The following MCC variants were observed in gnomAD, a reference collection of about 807,000 sequenced individuals.
The protein encoded by MCC is MCC regulator of Wnt signaling pathway.
In MCC, 90 loss-of-function variants were observed where a neutral mutation model predicts 116.2. The ratio of observed to expected loss-of-function variants is 0.77; its 90% confidence interval spans 0.65 to 0.92. The LOEUF is 0.92. Among genes scored for constraint, MCC ranks in the 40% least tolerant of loss-of-function variants. MCC has a pLI of 0.00. For synonymous variants in MCC, 578 were observed against 510.5 expected, an observed-to-expected ratio of 1.13 and a Z score of -1.78; for missense variants, 1,516 against 1,312.2, an observed-to-expected ratio of 1.16 and a Z score of -2.40.
chr5:113,031,390 G>T (rs949679920), intron 17 of MCC, among the ~76,000 whole-genome samples: 5 of 152,010 alleles, frequency 3.3e-5, no homozygotes, highest in Non-Finnish European at 7.4e-5. Context: ...TGTTGCAGGA[G>T]GGGGGCTCCT....
intron 3 of MCC, among the ~76,000 whole-genome samples, chr5:113,336,184 T>C (rs1262218040): frequency 6.6e-6 from 1 of 151,632 alleles, no homozygotes; most frequent in Non-Finnish European, 1.5e-5. Context: ...GGAGCCATCA[T>C]GGCCTAATCA....
chr5:113,198,539 T>TAA (rs10718683), intron 3 of MCC, among the ~76,000 whole-genome samples: 28 of 136,154 alleles, frequency 2.1e-4, no homozygotes, highest in Admixed American at 2.2e-4. Flanking sequence ...TACAAATAAT[T>TAA]AAAAAAAAAA....
intron 3 of MCC, among the ~76,000 whole-genome samples, chr5:113,307,822 C>T (rs1767025057): frequency 6.6e-6 from 1 of 152,104 alleles, no homozygotes; most frequent in African/African-American, 2.4e-5. Flanking sequence ...AAATTTTTAT[C>T]CCTGACCACT....
chr5:113,416,589 T>C (rs1038188029), intron 1 of MCC, among the ~76,000 whole-genome samples: 34 of 152,232 alleles, frequency 2.2e-4, no homozygotes. Flanking sequence ...TAAATGCATG[T>C]ATATGTATAC....
intron 5 of MCC, among the ~76,000 whole-genome samples, chr5:113,124,054 C>T: frequency 6.6e-6 from 1 of 152,104 alleles, no homozygotes. Flanking sequence ...TCAAATTTCT[C>T]CCAGGAAAGG....
intron 3 of MCC, among the ~76,000 whole-genome samples, chr5:113,202,109 C>T (rs1406395509): frequency 6.6e-6 from 1 of 152,162 alleles, no homozygotes; most frequent in East Asian, 1.9e-4. Context: ...TTACAAATTT[C>T]CCCATTAACC....
intron 1 of MCC, among the ~76,000 whole-genome samples, chr5:113,414,658 T>A (rs1048056479): frequency 1.3e-5 from 2 of 152,186 alleles, no homozygotes; most frequent in African/African-American, 4.8e-5. Flanking sequence ...CCTATGTGTG[T>A]CTCCGCACAT....
intron 1 of MCC, among the ~76,000 whole-genome samples, chr5:113,468,277 C>T (rs1771973467): frequency 6.6e-6 from 1 of 152,118 alleles, no homozygotes; most frequent in South Asian, 2.1e-4. Flanking sequence ...AAAGGGAATG[C>T]TTCCAGTTTT....
chr5:113,471,891 G>A (rs1006281399), intron 1 of MCC, among the ~76,000 whole-genome samples: 34 of 151,942 alleles, frequency 2.2e-4, no homozygotes, highest in South Asian at 6.3e-4. Flanking sequence ...CCTTGCTGCC[G>A]CCTTGCAGTT....
At chr5:113,040,619 A>C (rs1751640323) in intron 17 of MCC, among the ~76,000 whole-genome samples, 1 of 152,210 alleles carries the variant, frequency 6.6e-6, no homozygotes, top group South Asian at 2.1e-4. Context: ...TCATTTCATC[A>C]AGGTATATAA....
intron 3 of MCC, among the ~76,000 whole-genome samples, chr5:113,279,721 T>G (rs1010397405): frequency 1.3e-5 from 2 of 152,234 alleles, no homozygotes; most frequent in Non-Finnish European, 2.9e-5. Context: ...CTCTTACGAA[T>G]TTTTAGAATA....
intron 1 of MCC, among the ~76,000 whole-genome samples, chr5:113,397,926 TCA>T (rs1769570937): frequency 6.6e-6 from 1 of 152,210 alleles, no homozygotes; most frequent in African/African-American, 2.4e-5. Flanking sequence ...GAGAAAATAT[TCA>T]CAAACTATGC....
intron 1 of MCC, chr5:113,433,979 CT>C: frequency 6.2e-7 from 1 of 1,614,030 alleles, no homozygotes; most frequent in Non-Finnish European, 8.5e-7. Context: ...AACTCTCCCC[CT>C]CCTTGTTGAT....
In MCC at chr5:113,032,408, CAAAAAAAAAAA is replaced by C. The variant is rs376957827; in HGVS notation, c.2757-3363_2757-3353del. On this transcript the variant is annotated intron_variant, in intron 17 of 18. Transcript: ENST00000408903. Reference sequence around the variant, plus strand: ...GGGAAACAAGAATGAAACTCTGTATCAAAAAAAAAAAAAAAAAAAAAAGGATACTGATTACA... The same window carrying C: ...GGGAAACAAGAATGAAACTCTGTATCAAAAAAAAAAAGGATACTGATTACA... 3.0e-3 allele frequency among the ~76,000 whole-genome samples: 189 copies of C among 63,346 alleles called. 1 individual carries two copies. In the Middle Eastern group the frequency reaches 0.071, roughly 24 times the overall value. The allele number at this position is 63,346 out of a possible 152,430, so 41.6% of individuals were successfully genotyped here.
At chr5:113,142,479 A>G (rs1351882662) in intron 5 of MCC, among the ~76,000 whole-genome samples, 1 of 151,960 alleles carries the variant, frequency 6.6e-6, no homozygotes, top group Non-Finnish European at 1.5e-5. Context: ...CCAAGTGATT[A>G]ATAAGTAAGG....
intron 11 of MCC, among the ~76,000 whole-genome samples, chr5:113,075,780 T>C (rs1307689434): frequency 2.6e-5 from 4 of 152,188 alleles, no homozygotes; most frequent in Admixed American, 2.0e-4. Flanking sequence ...CTTTGTTCTC[T>C]TGCTCTTCAC....
intron 6 of MCC, among the ~76,000 whole-genome samples, chr5:113,121,403 C>A (rs1757729337): frequency 1.3e-5 from 2 of 152,100 alleles, no homozygotes; most frequent in Admixed American, 6.5e-5. Flanking sequence ...TCCTGCCTAC[C>A]TCTCCAGTCC....
chr5:113,469,821 C>G (rs939793980), intron 1 of MCC, among the ~76,000 whole-genome samples: 93 of 152,126 alleles, frequency 6.1e-4, no homozygotes, highest in Non-Finnish European at 1.2e-3. Flanking sequence ...GAGTCTAAGC[C>G]TCTTTGTAGG....
At chr5:113,374,489 A>T (rs1768932195) in intron 2 of MCC, among the ~76,000 whole-genome samples, 1 of 152,180 alleles carries the variant, frequency 6.6e-6, no homozygotes, top group Non-Finnish European at 1.5e-5. Flanking sequence ...CCACCAGAGT[A>T]TGCTGAAGGC....
Sources: allele counts gnomAD v4.1 joint callset (sites outside exome capture counted in the v4.1 genomes callset), GRCh38; gene constraint gnomAD v4.1.1; transcripts MANE v1.5; gene names NCBI Gene and HGNC (gene_info 2026-07-23, HGNC 2026-07-21).